The following EHBP1 variants were observed in gnomAD, a reference collection of about 807,000 sequenced individuals.
EHBP1 encodes EH domain binding protein 1, also known as EH domain-binding protein 1.
A neutral mutation model predicts 144.0 loss-of-function variants in EHBP1; 55 were observed. That is an observed-to-expected ratio of 0.38 (90% CI 0.31 to 0.48). The LOEUF (loss-of-function observed/expected upper bound fraction) is 0.48, where lower values mean the gene tolerates loss of function less well. Among genes scored for constraint, EHBP1 ranks in the 20% least tolerant of loss-of-function variants. The probability of loss-of-function intolerance (pLI) is 0.98; values close to 1 mark genes in which losing one functional copy is unlikely to be tolerated. For missense variants in EHBP1, 1,200 were observed against 1,364.2 expected, an observed-to-expected ratio of 0.88 and a Z score of 1.90; for synonymous variants, 469 against 472.7, an observed-to-expected ratio of 0.99 and a Z score of 0.10.
intron 19 of EHBP1, among the ~76,000 whole-genome samples, chr2:63,003,870 G>T (rs1415527962): frequency 6.6e-6 from 1 of 152,054 alleles, no homozygotes; most frequent in Non-Finnish European, 1.5e-5. Flanking sequence ...TTTCCACTAT[G>T]TAAGGAGTTA....
chr2:62,899,927 G>C lies in EHBP1; in HGVS notation c.1185+25395G>C, dbSNP rs542277066. ...GAATCGTGAAGTAGATGGAGTGGGT[G>C]CTGTTGTCTCCACTTTACAAATAAA... On this transcript the variant is annotated intron_variant, in intron 10 of 22. Coordinates refer to ENST00000431489, the MANE Select transcript of EHBP1 (RefSeq NM_001142616.3). Among the ~76,000 whole-genome samples, 3 of 152,336 alleles carry C rather than the reference G, an allele frequency of 2.0e-5. No individual in the cohort carries two copies. In the South Asian group the frequency reaches 6.2e-4, roughly 32 times the overall value.
rs1257094216 is a variant in EHBP1 at position 62,893,214 on chromosome 2, CATATT to C, written c.1185+18687_1185+18691del. Among the ~76,000 whole-genome samples, 9 of 152,304 alleles carry C rather than the reference CATATT, an allele frequency of 5.9e-5. No homozygotes were observed. The South Asian group carries it at 1.2e-3, about 21-fold the overall frequency. On this transcript the variant is annotated intron_variant, in intron 10 of 22. Transcript: ENST00000431489. ...TTTTAAAAAGTTGAGTATACATACA[CATATT>C]ATATAGTTCAAAACAACATTTTCTT...
chr2:63,042,060 T>G (rs2061681547), intron 21 of EHBP1, among the ~76,000 whole-genome samples: 1 of 152,174 alleles, frequency 6.6e-6, no homozygotes, highest in Non-Finnish European at 1.5e-5. Flanking sequence ...TTCAACACTT[T>G]GGCTCAAATG....
At chr2:63,021,923 C>T (rs1412522876) in intron 19 of EHBP1, among the ~76,000 whole-genome samples, 3 of 152,052 alleles carry the variant, frequency 2.0e-5, no homozygotes, top group South Asian at 2.1e-4. Context: ...CCTGCCACCA[C>T]GCACAGCTAA....
intron 3 of EHBP1, among the ~76,000 whole-genome samples, chr2:62,749,545 C>G (rs2039475680): frequency 6.6e-6 from 1 of 152,162 alleles, no homozygotes; most frequent in Non-Finnish European, 1.5e-5. Flanking sequence ...GTTCTAGATC[C>G]TTGAGGAATC....
intron 2 of EHBP1, among the ~76,000 whole-genome samples, chr2:62,724,772 C>T (rs1230104710): frequency 6.6e-6 from 1 of 152,072 alleles, no homozygotes; most frequent in Non-Finnish European, 1.5e-5. Context: ...AGTGGGCAGG[C>T]AGGCGAGTGA....
intron 19 of EHBP1, among the ~76,000 whole-genome samples, chr2:63,036,829 A>G (rs568362243): frequency 6.6e-6 from 1 of 152,082 alleles, no homozygotes; most frequent in Non-Finnish European, 1.5e-5. Context: ...TGGGATGGAT[A>G]TTAGCGATGG....
chr2:63,032,440 C>T (rs1162496197), intron 19 of EHBP1, among the ~76,000 whole-genome samples: 2 of 150,814 alleles, frequency 1.3e-5, no homozygotes, highest in Non-Finnish European at 3.0e-5. Context: ...TGCTGGCGGG[C>T]GCCTGTAGTC....
intron 13 of EHBP1, among the ~76,000 whole-genome samples, chr2:62,954,144 T>C (rs1202501923): frequency 6.6e-6 from 1 of 152,176 alleles, no homozygotes; most frequent in Non-Finnish European, 1.5e-5. Flanking sequence ...CATAATTAAG[T>C]GGTGGAACTG....
chr2:62,798,700 T>C (rs1256862816), intron 5 of EHBP1, among the ~76,000 whole-genome samples: 1 of 152,076 alleles, frequency 6.6e-6, no homozygotes, highest in Non-Finnish European at 1.5e-5. Context: ...TAGCTAGAGT[T>C]ATAGAAATTC....
At chr2:62,712,198 A>C (rs1480976487) in intron 2 of EHBP1, among the ~76,000 whole-genome samples, 2 of 152,186 alleles carry the variant, frequency 1.3e-5, no homozygotes, top group Non-Finnish European at 2.9e-5. Flanking sequence ...CTTAGGTAGA[A>C]GCAGGGACCA....
intron 1 of EHBP1, among the ~76,000 whole-genome samples, chr2:62,699,010 C>CT (rs1320599756): frequency 2.0e-5 from 3 of 152,086 alleles, no homozygotes. Context: ...TGTGTGTGTT[C>CT]TTTGTACTGT....
chr2:62,848,195 C>T (rs1573692296), intron 7 of EHBP1, among the ~76,000 whole-genome samples: 1 of 151,712 alleles, frequency 6.6e-6, no homozygotes. Flanking sequence ...TCTTCTGCCT[C>T]AGCCTCTTGA....
chr2:62,945,298 G>T (rs753737811), intron 12 of EHBP1, among the ~76,000 whole-genome samples: 6 of 152,030 alleles, frequency 3.9e-5, no homozygotes, highest in Admixed American at 6.6e-5. Flanking sequence ...GTAATTCTAT[G>T]TATTTTATCC....
At chr2:62,847,701 G>A (rs577351926) in intron 7 of EHBP1, among the ~76,000 whole-genome samples, 1 of 152,072 alleles carries the variant, frequency 6.6e-6, no homozygotes, top group Non-Finnish European at 1.5e-5. Flanking sequence ...GAAAATGTAC[G>A]AGCAAGTCAT....
chr2:62,702,763 T>G (rs2034316791), upstream of EHBP1, among the ~76,000 whole-genome samples: 1 of 152,230 alleles, frequency 6.6e-6, no homozygotes, highest in Non-Finnish European at 1.5e-5. Flanking sequence ...TGTTCTTTTC[T>G]GTCTTGTTTA....
chr2:62,939,242 T>C (rs556672594), intron 10 of EHBP1, among the ~76,000 whole-genome samples: 1 of 152,204 alleles, frequency 6.6e-6, no homozygotes, highest in African/African-American at 2.4e-5. Flanking sequence ...GAGTGCTGAA[T>C]TGGGGTTGGA....
intron 3 of EHBP1, among the ~76,000 whole-genome samples, chr2:62,756,988 C>T (rs966211952): frequency 6.6e-6 from 1 of 152,238 alleles, no homozygotes; most frequent in East Asian, 1.9e-4. Flanking sequence ...GTATCAGTTA[C>T]GTTAAATCTA....
At chr2:62,966,183 T>G (rs1439440158) in intron 14 of EHBP1, among the ~76,000 whole-genome samples, 1 of 152,236 alleles carries the variant, frequency 6.6e-6, no homozygotes, top group Non-Finnish European at 1.5e-5. Context: ...ATCAGAGTAC[T>G]GTATTTGTTT....
Sources: gnomAD v4.1 joint callset for allele counts (sites outside exome capture counted in the v4.1 genomes callset) on GRCh38, gnomAD v4.1.1 for gene constraint, MANE v1.5 for transcripts, NCBI Gene and HGNC (gene_info 2026-07-23, HGNC 2026-07-21) for gene names.